ZNF653: variants seen among roughly 807,000 people sequenced by gnomAD.
ZNF653 encodes the protein zinc finger protein 653.
ZNF653 carries 37 observed loss-of-function variants against 59.9 expected under a neutral mutation model. The ratio of observed to expected loss-of-function variants is 0.62; its 90% CI spans 0.48 to 0.81. The LOEUF (loss-of-function observed/expected upper bound fraction) is 0.81, where lower values mean the gene tolerates loss of function less well. ZNF653 is among the 40% of genes least tolerant of loss of function. ZNF653 has a pLI of 0.00. For synonymous variants in ZNF653, 435 were observed against 371.8 expected, an observed-to-expected ratio of 1.17 and a Z score of -1.96; for missense variants, 808 against 881.1, an observed-to-expected ratio of 0.92 and a Z score of 1.05.
intron 3 of ZNF653, among the ~76,000 whole-genome samples, chr19:11,488,659 G>A (rs1008938143): frequency 6.0e-5 from 9 of 150,904 alleles, no homozygotes; most frequent in Middle Eastern, 6.8e-3. Flanking sequence ...GTGCAGTGGC[G>A]CAATATTGGC....
At position 11,483,598 on chromosome 19, in the gene ZNF653, C is replaced by T. The variant is rs747359930; in HGVS notation, c.*84G>A. 1 of 1,507,072 alleles carries T rather than the reference C, an allele frequency of 6.6e-7. No individual in the cohort carries two copies. Among genetic ancestry groups the T allele is most frequent in the Non-Finnish European group, 8.9e-7 (1 of 1,121,412 alleles). 93.4% of individuals were successfully genotyped at this position (1,507,072 alleles called of 1,614,324 possible). A position where few individuals can be genotyped will look rare whatever the true frequency, so the allele number is the denominator to read the frequency against. ...TCCTTCCGGCCCGCGGTCCGGGCGG[C>T]CCTCGCAGCTGTCCAGGCCCCGGCA... On this transcript the variant is annotated 3_prime_UTR_variant, in exon 9 of 9. Coordinates refer to ENST00000293771, the MANE Select transcript of ZNF653 (RefSeq NM_138783.4).
intron 3 of ZNF653, among the ~76,000 whole-genome samples, chr19:11,489,175 T>C (rs1044589488): frequency 2.7e-5 from 4 of 150,632 alleles, no homozygotes; most frequent in Non-Finnish European, 5.9e-5. Context: ...GCTAGAATTA[T>C]AGTCATGAGC....
At chr19:11,489,416 C>A (rs1568394429) in intron 3 of ZNF653, among the ~76,000 whole-genome samples, 1 of 152,192 alleles carries the variant, frequency 6.6e-6, no homozygotes, top group Non-Finnish European at 1.5e-5. Flanking sequence ...CCAGGCTGAT[C>A]TCGAACTTCT....
At position 11,483,706 on chromosome 19, in the gene ZNF653, G is replaced by A. The variant is rs764660110; in HGVS notation, c.1824C>T (p.Ser608=). The change falls in exon 9 of 9, where the codon AGC becomes AGT. Residue 608 remains serine (S), a synonymous_variant. Transcript: ENST00000293771. ...GTCAGGTGGGCTTGTGATCCGGGTG[G>A]CTTTTGAGCGTGTGGAACTTGACGC... ...LDSVKFHTLK[S]HPDHKPT The A allele has an allele frequency of 1.2e-6, 2 of 1,613,418 alleles. No homozygotes were observed. The highest frequency in any genetic ancestry group is 1.7e-6 in the Non-Finnish European group (2 of 1,179,418).
At position 11,500,838 on chromosome 19, in the gene ZNF653, G is replaced by A. The variant is rs191290232; in HGVS notation, c.300-2499C>T. On this transcript the variant is annotated intron_variant, in intron 1 of 8. Coordinates refer to ENST00000293771, the MANE Select transcript of ZNF653 (RefSeq NM_138783.4). Reference sequence around the variant, plus strand: ...CGTCTGTGAAGTGGAAATAGTAGTAGTGCTTCTGACACAGGGTCACCATGG... The same window carrying A: ...CGTCTGTGAAGTGGAAATAGTAGTAATGCTTCTGACACAGGGTCACCATGG... 8 of 152,392 alleles carry A rather than the reference G, an allele frequency of 5.2e-5. 1 individual carries two copies. Among genetic ancestry groups the A allele is most frequent in the Admixed American group, 4.6e-4 (7 of 15,280 alleles). 9.4% of individuals were successfully genotyped at this position (152,392 alleles called of 1,614,324 possible).
rs372255518 is a variant in ZNF653 at position 11,487,275 on chromosome 19, C to T, written c.1171+17G>A. 37 of 1,606,380 alleles carry T rather than the reference C, an allele frequency of 2.3e-5. 1 individual carries two copies. The highest frequency in any genetic ancestry group is 1.7e-4 in the Middle Eastern group (1 of 6,028). On this transcript the variant is annotated intron_variant, in intron 4 of 8. Transcript: ENST00000293771. This position sits in a 1 kb window ranked among gnomAD's most constrained non-coding sequence, Gnocchi z 5.1. ...CCCAACCACCCCTGGCCAGAGGCCA[C>T]GACAGGTCCCCCAGACCTTTCTTGG...
At chr19:11,505,227 C>T in intron 1 of ZNF653, 1 of 424,588 alleles carries the variant, frequency 2.4e-6, no homozygotes, top group Non-Finnish European at 4.2e-6. Flanking sequence ...CGCCAGAGTT[C>T]TAGCGGGCGG....
Position 11,483,795 on chromosome 19 carries a change from T to C in ZNF653, c.1735A>G (p.Thr579Ala), listed in dbSNP as rs762592432. The C allele has an allele frequency of 8.7e-6, 14 of 1,612,658 alleles. No individual in the cohort carries two copies. Among genetic ancestry groups the C allele is most frequent in the East Asian group, 2.2e-5 (1 of 44,816 alleles). ...GTGAAGTTGTACTGCACCTCCGCAGTGTGCTTCTTCATGTGCCAGTTGAGC... is the reference window on the plus strand; with the variant it reads ...GTGAAGTTGTACTGCACCTCCGCAGCGTGCTTCTTCATGTGCCAGTTGAGC... ...ASLNWHMKKH[T>A]AEVQYNFTCD... Residue 579 changes from threonine (T) to alanine (A), a missense_variant, in exon 9 of 9, where the codon ACT (threonine) becomes GCT (alanine). Coordinates refer to ENST00000293771, the MANE Select transcript of ZNF653 (RefSeq NM_138783.4).
intron 7 of ZNF653, 64 bp from the exon 8 acceptor site, chr19:11,484,205 ACT>A: frequency 7.9e-7 from 1 of 1,267,426 alleles, no homozygotes; most frequent in African/African-American, 1.5e-5. Context: ...TGTGCTGCAG[ACT>A]CTGATGCTAG....
intron 7 of ZNF653, among the ~76,000 whole-genome samples, 168 bp from the exon 8 acceptor site, chr19:11,484,309 G>A (rs1041125115): frequency 1.3e-5 from 2 of 151,976 alleles, no homozygotes; most frequent in Non-Finnish European, 1.5e-5. Context: ...GCCCACAGAC[G>A]CCATCAAGCA....
chr19:11,483,733 G>C lies in ZNF653; in HGVS notation c.1797C>G (p.Asp599Glu), dbSNP rs151165116. 1.5e-4 allele frequency: 245 copies of C among 1,613,742 alleles called. No homozygotes were observed. The highest frequency in any genetic ancestry group is 2.0e-4 in the Non-Finnish European group (234 of 1,179,690). Residue 599 changes from aspartate (D) to glutamate (E), a missense_variant, in exon 9 of 9, where the codon GAC becomes GAG. Physicochemically the swap from Asp to Glu is conservative, Grantham distance 45. Transcript: ENST00000293771. The stretch of plus-strand genomic sequence containing the variant: ...TTTTGAGCGTGTGGAACTTGACGCT[G>C]TCCAGCTTCTCGAAGCGCTTCCCGC... ...DRCGKRFEKLDSVKFHTLKSH... is the reference protein window; with the variant it reads ...DRCGKRFEKLESVKFHTLKSH...
In ZNF653 at chr19:11,505,362, G is replaced by A. The variant is rs1201804336; in HGVS notation, c.299+126C>T. ...CAGGCAGTACGAGACCCAGGCCGCC[G>A]GCCCGGCTCCTGGGCGGGGTCCGCA... On this transcript the variant is annotated intron_variant, in intron 1 of 8. Transcript: ENST00000293771. 8.6e-6 allele frequency: 9 copies of A among 1,041,656 alleles called. No individual in the cohort carries two copies. The Admixed American group carries it at 1.7e-4, about 20-fold the overall frequency. The allele number at this position is 1,041,656 out of a possible 1,614,324, so 64.5% of individuals were successfully genotyped here. A position where few individuals can be genotyped will look rare whatever the true frequency, so the allele number is the denominator to read the frequency against.
rs1321342783 is a variant in ZNF653, at chr19:11,484,023, G to C, written c.1670+19C>G. The stretch of plus-strand genomic sequence containing the variant: ...CTCCCACCCAATCCTCTAGCGGCAC[G>C]GGGCGGCCTGTCACTCACTGCAGGG... On this transcript the variant is annotated intron_variant, in intron 8 of 8. Coordinates refer to ENST00000293771, the MANE Select transcript of ZNF653 (RefSeq NM_138783.4). 1.3e-6 allele frequency: 2 copies of C among 1,550,324 alleles called. No homozygotes were observed. The highest frequency in any genetic ancestry group is 1.7e-6 in the Non-Finnish European group (2 of 1,147,054).
At position 11,486,808 on chromosome 19, in the gene ZNF653, C is replaced by T. The variant is rs772314816; in HGVS notation, c.1416G>A (p.Glu472=). 14 of 1,611,510 alleles carry T rather than the reference C, an allele frequency of 8.7e-6. No individual in the cohort carries two copies. The highest frequency in any genetic ancestry group is 1.1e-5 in the Non-Finnish European group (13 of 1,179,060). Residue 472 remains glutamate, a synonymous_variant, in exon 6 of 9, where the codon GAG becomes GAA. Transcript: ENST00000293771. Reference sequence around the variant, plus strand: ...GGGCCACGTAGACTTGGCTGCAGCCCTCGTATGGGCAGTGGAACATCTCGA... The same window carrying T: ...GGGCCACGTAGACTTGGCTGCAGCCTTCGTATGGGCAGTGGAACATCTCGA... ...GLLEMFHCPY[E]GCSQVYVALS...
chr19:11,495,489 G>T lies in ZNF653; in HGVS notation c.559+461C>A, dbSNP rs74759079. 0.018 allele frequency: 3,247 copies of T among 184,128 alleles called. 48 individuals are homozygous for T. Among genetic ancestry groups the T allele is most frequent in the East Asian group, 0.073 (482 of 6,620 alleles). 11.4% of individuals were successfully genotyped at this position (184,128 alleles called of 1,614,324 possible). ...AAGCCTGGAAAGGCAGAAGGCAAGAGAATGCAACTGGGAGCCAGAGAAAAT... is the reference window on the plus strand; with the variant it reads ...AAGCCTGGAAAGGCAGAAGGCAAGATAATGCAACTGGGAGCCAGAGAAAAT... On this transcript the variant is annotated intron_variant, in intron 3 of 8. Transcript: ENST00000293771. This position sits in a 1 kb window ranked among gnomAD's most constrained non-coding sequence, Gnocchi z 4.9.
At position 11,496,674 on chromosome 19, in the gene ZNF653, CCTGG is replaced by C. The variant is rs1039396158; in HGVS notation, c.344-513_344-510del. Among the ~76,000 whole-genome samples, 153 of 152,282 alleles carry C rather than the reference CCTGG, an allele frequency of 1.0e-3. 1 individual carries two copies. The highest frequency in any genetic ancestry group is 3.6e-3 in the African/African-American group (149 of 41,542). On this transcript the variant is annotated intron_variant, in intron 2 of 8. Coordinates refer to ENST00000293771, the MANE Select transcript of ZNF653 (RefSeq NM_138783.4). ...CTTAAGGCCAGGAGTTTGAAACCAG[CCTGG>C]CTAACATGGCGAAAACCCATCTTTA...
intron 1 of ZNF653, chr19:11,504,517 G>C: frequency 4.1e-6 from 4 of 985,468 alleles, no homozygotes; most frequent in Non-Finnish European, 4.8e-6. Flanking sequence ...TGCGCTCCCA[G>C]CATTTCCAGT....
In ZNF653 at chr19:11,483,820, C is replaced by G; in HGVS notation, c.1710G>C (p.Ser570=). The G allele has an allele frequency of 6.2e-7, 1 of 1,608,458 alleles. No individual in the cohort carries two copies. The highest frequency in any genetic ancestry group is 1.1e-5 in the South Asian group (1 of 90,536). The part of the protein sequence containing the change: ...ICGYQCRQRA[S]LNWHMKKHTA... ...TGTGCTTCTTCATGTGCCAGTTGAG[C>G]GACGCGCGCTGCCGGCACTGGTAGC... Residue 570 remains serine, a synonymous_variant, in exon 9 of 9, where the codon TCG becomes TCC. Transcript: ENST00000293771.
At chr19:11,496,216 G>A (rs770009182) in intron 2 of ZNF653, 51 bp from the exon 3 acceptor site, 10 of 1,569,408 alleles carry the variant, frequency 6.4e-6, no homozygotes, top group Non-Finnish European at 7.0e-6. Context: ...CTCAGCCCAT[G>A]GTGACATGGC....
Sources: allele counts gnomAD v4.1 joint callset (sites outside exome capture counted in the v4.1 genomes callset), GRCh38; gene constraint gnomAD v4.1.1; non-coding constraint Gnocchi (gnomAD v3.1); transcripts MANE v1.5; gene names NCBI Gene and HGNC (gene_info 2026-07-23, HGNC 2026-07-21).